Variants in MAGI1 observed in about 807,000 individuals in gnomAD.
The protein encoded by MAGI1 is membrane-associated guanylate kinase, WW and PDZ domain-containing protein 1.
In MAGI1, 58 loss-of-function variants were observed where a neutral mutation model predicts 139.9. The ratio of observed to expected loss-of-function variants is 0.41; its 90% confidence interval spans 0.34 to 0.52. MAGI1 has a LOEUF of 0.52. Ranked by LOEUF, MAGI1 falls within the 20% of genes least tolerant of loss-of-function variation. The pLI, the probability that MAGI1 is intolerant of heterozygous loss-of-function variation, is 0.12. For missense variants in MAGI1, 1,874 were observed against 1,901.6 expected (o/e 0.99, Z 0.27); for synonymous variants, 812 against 737.9 (o/e 1.10, Z -1.63).
chr3:65,373,783 G>A (rs1224052239), intron 18 of MAGI1, among the ~76,000 whole-genome samples: 2 of 152,124 alleles, frequency 1.3e-5, no homozygotes, highest in African/African-American at 4.8e-5. Context: ...AGACCAGTTG[G>A]TAAGTGACTA....
At chr3:65,530,486 T>C (rs1322006742) in intron 2 of MAGI1, among the ~76,000 whole-genome samples, 1 of 151,288 alleles carries the variant, frequency 6.6e-6, no homozygotes, top group African/African-American at 2.4e-5. Flanking sequence ...TGGTGGTGTG[T>C]GCCTGTAGTT....
intron 13 of MAGI1, among the ~76,000 whole-genome samples, chr3:65,392,797 T>C (rs979083170): frequency 6.6e-5 from 10 of 152,220 alleles, no homozygotes; most frequent in African/African-American, 1.9e-4. Context: ...TATTACAGAT[T>C]TGAATGGAGG....
At chr3:65,916,548 T>G (rs1027675215) in intron 1 of MAGI1, among the ~76,000 whole-genome samples, 1 of 152,140 alleles carries the variant, frequency 6.6e-6, no homozygotes, top group Non-Finnish European at 1.5e-5. Flanking sequence ...ATTGTGAGAC[T>G]TTTTCACTAC....
intron 1 of MAGI1, among the ~76,000 whole-genome samples, chr3:65,632,024 CA>C (rs397962718): frequency 4.0e-4 from 50 of 126,400 alleles, no homozygotes; most frequent in African/African-American, 3.6e-4. Context: ...GACTCCGTCT[CA>C]AAAAAAAAAA....
At chr3:65,972,267 G>A (rs1167795876) in intron 1 of MAGI1, among the ~76,000 whole-genome samples, 1 of 152,214 alleles carries the variant, frequency 6.6e-6, no homozygotes, top group East Asian at 1.9e-4. Flanking sequence ...AGCCATTGTT[G>A]CTAATTCAAA....
chr3:65,861,543 G>T (rs992611688), intron 1 of MAGI1, among the ~76,000 whole-genome samples: 1 of 152,156 alleles, frequency 6.6e-6, no homozygotes, highest in African/African-American at 2.4e-5. Context: ...TACTGTAATA[G>T]GGAAAATAGA....
chr3:65,784,278 C>G (rs1038598496), intron 1 of MAGI1, among the ~76,000 whole-genome samples: 1 of 152,190 alleles, frequency 6.6e-6, no homozygotes, highest in Non-Finnish European at 1.5e-5. Context: ...TTCCTAGGAG[C>G]AATCCCACTC....
intron 1 of MAGI1, among the ~76,000 whole-genome samples, chr3:65,668,876 C>T (rs1248329926): frequency 1.3e-5 from 2 of 151,998 alleles, no homozygotes. Flanking sequence ...TCTTAAAGAA[C>T]TGAAGGTCCT....
chr3:65,508,022 AC>A (rs2107732803), intron 2 of MAGI1, among the ~76,000 whole-genome samples: 1 of 152,316 alleles, frequency 6.6e-6, no homozygotes, highest in African/African-American at 2.4e-5. Context: ...TCTGGTCTTT[AC>A]CCACACTGAC....
intron 22 of MAGI1, among the ~76,000 whole-genome samples, chr3:65,358,800 C>G (rs546528567): frequency 6.6e-6 from 1 of 152,044 alleles, no homozygotes; most frequent in African/African-American, 2.4e-5. Flanking sequence ...GGGTTGGCTA[C>G]GAGAATGAAC....
rs1366752196 is a variant in MAGI1 at position 66,038,535 on chromosome 3, C to G, written c.-227G>C. The G allele has an allele frequency of 5.4e-6, 3 of 554,298 alleles. No individual in the cohort carries two copies. The highest frequency in any genetic ancestry group is 8.8e-6 in the Non-Finnish European group (3 of 342,592). The allele number at this position is 554,298 out of a possible 1,614,324, so 34.3% of individuals were successfully genotyped here. Reference sequence around the variant, plus strand: ...CGAGCCCCGCACAGGCGCCCGCGAGCTTTGTTTGCATTCCGGTGCCTCTGG... The same window carrying G: ...CGAGCCCCGCACAGGCGCCCGCGAGGTTTGTTTGCATTCCGGTGCCTCTGG... On this transcript the variant is annotated 5_prime_UTR_variant, in exon 1 of 23. Coordinates refer to ENST00000402939, the MANE Select transcript of MAGI1 (RefSeq NM_001033057.2).
At chr3:65,994,342 C>T (rs1466266797) in intron 1 of MAGI1, among the ~76,000 whole-genome samples, 1 of 151,348 alleles carries the variant, frequency 6.6e-6, no homozygotes, top group Non-Finnish European at 1.5e-5. Context: ...ATGCAATGCT[C>T]TAGAACACAG....
chr3:65,889,493 C>T (rs537471322), intron 1 of MAGI1, among the ~76,000 whole-genome samples: 1 of 152,132 alleles, frequency 6.6e-6, no homozygotes, highest in Non-Finnish European at 1.5e-5. Context: ...AATGACTATT[C>T]TTGAATACCA....
chr3:65,921,530 G>A (rs759437800), intron 1 of MAGI1, among the ~76,000 whole-genome samples: 5 of 151,864 alleles, frequency 3.3e-5, no homozygotes, highest in South Asian at 2.1e-4. Context: ...GGCTGGTCTC[G>A]AACTTCTGGC....
intron 1 of MAGI1, among the ~76,000 whole-genome samples, chr3:65,958,713 G>A (rs902771061): frequency 6.6e-6 from 1 of 152,148 alleles, no homozygotes; most frequent in African/African-American, 2.4e-5. Flanking sequence ...TTAGCCAGGC[G>A]GGGGAGCTCA....
intron 1 of MAGI1, among the ~76,000 whole-genome samples, chr3:65,653,150 C>A (rs150431373): frequency 6.6e-6 from 1 of 152,186 alleles, no homozygotes; most frequent in African/African-American, 2.4e-5. Flanking sequence ...TAAAGAGCAC[C>A]TTCTTGGACC....
At chr3:65,450,781 T>C (rs1254845045) in intron 6 of MAGI1, among the ~76,000 whole-genome samples, 5 of 152,212 alleles carry the variant, frequency 3.3e-5, no homozygotes, top group Non-Finnish European at 5.9e-5. Flanking sequence ...TAAATCTTTA[T>C]AATAATTAAG....
At chr3:65,529,807 T>C (rs1183584265) in intron 2 of MAGI1, among the ~76,000 whole-genome samples, 1 of 147,872 alleles carries the variant, frequency 6.8e-6, no homozygotes, top group Non-Finnish European at 1.5e-5. Flanking sequence ...AAAATGTATA[T>C]ACACATATAA....
chr3:66,022,794 T>C (rs2107558494), intron 1 of MAGI1, among the ~76,000 whole-genome samples: 1 of 152,328 alleles, frequency 6.6e-6, no homozygotes, highest in South Asian at 2.1e-4. Context: ...ATCACATATG[T>C]ACCTAGAGTT....
Sources: allele counts gnomAD v4.1 joint callset (sites outside exome capture counted in the v4.1 genomes callset), GRCh38; gene constraint gnomAD v4.1.1; transcripts MANE v1.5; gene names NCBI Gene and HGNC (gene_info 2026-07-23, HGNC 2026-07-21).